The following MARF1 variants were observed in gnomAD, a reference collection of about 807,000 sequenced individuals.
MARF1 encodes the protein limkain-b1.
MARF1 carries 24 observed loss-of-function variants against 168.2 expected under a neutral mutation model. The ratio of observed to expected loss-of-function variants is 0.14; its 90% CI spans 0.10 to 0.20. The LOEUF (loss-of-function observed/expected upper bound fraction) is 0.20, where lower values mean the gene tolerates loss of function less well. MARF1 is among the 10% of genes least tolerant of loss of function. MARF1 has a pLI of 1.00. For missense variants in MARF1, 1,744 were observed against 2,143.6 expected (o/e 0.81, Z 3.68); for synonymous variants, 868 against 822.4 (o/e 1.06, Z -0.95).
At position 15,611,067 on chromosome 16, in the gene MARF1, C is replaced by A. The variant is rs917975658; in HGVS notation, c.3659G>T (p.Cys1220Phe). ...KDWDVTEYGV[C>F]ELIDIVSEIP... ...CTCTGATACGATGTCAATCAACTCA[C>A]AAACACCATATTCAGTGACATCCCA... The change falls in exon 19 of 27, where the codon TGT (cysteine) becomes TTT (phenylalanine). Residue 1220 changes from cysteine to phenylalanine, a missense_variant. By Grantham distance (205) the Cys-to-Phe change is radical. This residue lies in a region of MARF1 where 543 missense variants were observed against 742.1 expected (regional missense o/e 0.73). Coordinates refer to ENST00000396368, the MANE Select transcript of MARF1 (RefSeq NM_014647.4). 3.1e-6 allele frequency: 5 copies of A among 1,613,794 alleles called. No individual in the cohort carries two copies. The highest frequency in any genetic ancestry group is 1.3e-5 in the African/African-American group (1 of 74,924).
Position 15,623,047 on chromosome 16 carries a change from A to G in MARF1, c.2347T>C (p.Cys783Arg), listed in dbSNP as rs762384214. ...GCACCATTTGCAAATGGGTCTGGGC[A>G]GTCGGCTTCGCTGCTCGAATTTGCA... ...NIANSSSEAD[C>R]PDPFANGADV... Residue 783 changes from cysteine (C) to arginine (R), a missense_variant, in exon 11 of 27, where the codon TGC (cysteine) becomes CGC (arginine). Coordinates refer to ENST00000396368, the MANE Select transcript of MARF1 (RefSeq NM_014647.4). 4.3e-6 allele frequency: 7 copies of G among 1,610,958 alleles called. No homozygotes were observed. In the Admixed American group the frequency reaches 1.0e-4, roughly 23 times the overall value.
intron 7 of MARF1, among the ~76,000 whole-genome samples, chr16:15,628,813 C>G (rs1380439958): frequency 6.6e-6 from 1 of 152,026 alleles, no homozygotes; most frequent in Non-Finnish European, 1.5e-5. Context: ...ACCTGGGACT[C>G]AAAACCCAGG....
intron 10 of MARF1, among the ~76,000 whole-genome samples, chr16:15,623,605 T>A (rs983966078): frequency 6.6e-6 from 1 of 152,116 alleles, no homozygotes; most frequent in African/African-American, 2.4e-5. Context: ...AAATACACAT[T>A]GATTTCAGAC....
chr16:15,604,264 T>C lies in MARF1; in HGVS notation c.4317A>G (p.Arg1439=). 1 of 1,614,138 alleles carries C rather than the reference T, an allele frequency of 6.2e-7. No individual in the cohort carries two copies. Residue 1439 remains arginine, a synonymous_variant, in exon 22 of 27, where the codon AGA becomes AGG. Transcript: ENST00000396368. ...TTHLSVEELK[R]HYESTHNTPL... is the part of the protein sequence containing the mutation. ...GAGTGTTGTGGGTACTTTCGTAATG[T>C]CTCTTGAGCTCCTCAACAGAAAGAT...
At chr16:15,628,558 G>A (rs1244695924) in intron 7 of MARF1, among the ~76,000 whole-genome samples, 8 of 151,944 alleles carry the variant, frequency 5.3e-5, no homozygotes, top group African/African-American at 1.2e-4. Context: ...ACCAGTGCCC[G>A]CCACCACACC....
intron 16 of MARF1, among the ~76,000 whole-genome samples, chr16:15,615,552 G>C (rs1596467593): frequency 6.6e-6 from 1 of 152,130 alleles, no homozygotes; most frequent in South Asian, 2.1e-4. Flanking sequence ...TTGAACCCGG[G>C]AGGCAGAGGT....
chr16:15,596,749 T>G lies in MARF1; in HGVS notation c.5173A>C (p.Lys1725Gln). 6.2e-7 allele frequency: 1 copy of G among 1,611,614 alleles called. No individual in the cohort carries two copies. The highest frequency in any genetic ancestry group is 1.7e-5 in the Admixed American group (1 of 59,912). The stretch of plus-strand genomic sequence containing the variant: ...TTGGCTGCCAATTTGACTCTATTTT[T>G]GGGTTGCTTTTTGGCCGGGCTTTCC... ...PVESPAKKQP[K>Q]NRVKLAANFS... The change falls in exon 27 of 27, where the codon AAA becomes CAA. Residue 1725 changes from lysine (K) to glutamine (Q), a missense_variant. Lys to Gln is a moderately conservative substitution (Grantham distance 53). Transcript: ENST00000396368.
rs370255610 is a variant in MARF1 at position 15,625,253 on chromosome 16, T to C, written c.1954-80A>G. The C allele has an allele frequency of 4.0e-5, 62 of 1,566,070 alleles. No homozygotes were observed. The African/African-American group carries it at 4.2e-4, about 11-fold the overall frequency. On this transcript the variant is annotated intron_variant, in intron 8 of 26. Coordinates refer to ENST00000396368, the MANE Select transcript of MARF1 (RefSeq NM_014647.4). Reference sequence around the variant, plus strand: ...GATCCTTTACAGAAAACGATTGACTTTGAGTATCATCAAACACTGAAATCA... The same window carrying C: ...GATCCTTTACAGAAAACGATTGACTCTGAGTATCATCAAACACTGAAATCA...
rs1157354052 is a variant in MARF1 at position 15,596,382 on chromosome 16, T to G, written c.*311A>C. The G allele has an allele frequency of 2.9e-5, 6 of 203,408 alleles. No individual in the cohort carries two copies. The highest frequency in any genetic ancestry group is 1.1e-4 in the East Asian group (1 of 8,976). The allele number at this position is 203,408 out of a possible 1,614,324, so 12.6% of individuals were successfully genotyped here. A position where few individuals can be genotyped will look rare whatever the true frequency, so the allele number is the denominator to read the frequency against. On this transcript the variant is annotated 3_prime_UTR_variant, in exon 27 of 27. Coordinates refer to ENST00000396368, the MANE Select transcript of MARF1 (RefSeq NM_014647.4). ...CCTGCTAGTTGAGTTTTTAGTGCTTTCTTCTTTTGGAACACCATTGTATTT... is the reference window on the plus strand; with the variant it reads ...CCTGCTAGTTGAGTTTTTAGTGCTTGCTTCTTTTGGAACACCATTGTATTT...
At chr16:15,607,847 C>T (rs2033146161) in intron 21 of MARF1, among the ~76,000 whole-genome samples, 1 of 152,214 alleles carries the variant, frequency 6.6e-6, no homozygotes, top group Non-Finnish European at 1.5e-5. Flanking sequence ...GGCCACTCTG[C>T]ACCCTCGCTT....
chr16:15,621,387 C>T (rs113902818), intron 12 of MARF1: 3 of 253,680 alleles, frequency 1.2e-5, no homozygotes, highest in African/African-American at 4.5e-5. Context: ...CTAGTCTTTA[C>T]ACACAAATCT....
intron 1 of MARF1, among the ~76,000 whole-genome samples, chr16:15,642,118 G>A (rs992235942): frequency 1.3e-5 from 2 of 152,102 alleles, no homozygotes; most frequent in Non-Finnish European, 2.9e-5. Flanking sequence ...CCGTTGTTTG[G>A]ATTACATGAG....
At chr16:15,635,283 T>C (rs2035509020) in intron 3 of MARF1, 2 of 385,224 alleles carry the variant, frequency 5.2e-6, no homozygotes, top group African/African-American at 2.1e-5. Context: ...TCCCACATTA[T>C]TGCAAAAAGA....
chr16:15,629,085 A>G (rs1225040652), intron 7 of MARF1, among the ~76,000 whole-genome samples: 2 of 149,616 alleles, frequency 1.3e-5, no homozygotes, highest in African/African-American at 2.5e-5. Flanking sequence ...ACCAGGCTGG[A>G]GTGCAGTGGC....
At chr16:15,606,918 T>C (rs1421040748) in intron 21 of MARF1, among the ~76,000 whole-genome samples, 1 of 152,190 alleles carries the variant, frequency 6.6e-6, no homozygotes, top group Non-Finnish European at 1.5e-5. Context: ...ACCAGGATGC[T>C]GTCCAGATGA....
intron 22 of MARF1, chr16:15,602,775 C>T (rs1401444072): frequency 1.0e-5 from 4 of 380,960 alleles, no homozygotes; most frequent in Non-Finnish European, 1.0e-5. Flanking sequence ...GGGAAGAAAT[C>T]GGGGGAGGCA....
chr16:15,619,380 C>T (rs577681593), intron 13 of MARF1, among the ~76,000 whole-genome samples: 1 of 152,244 alleles, frequency 6.6e-6, no homozygotes, highest in Non-Finnish European at 1.5e-5. Flanking sequence ...CCAACAGTAT[C>T]TGCTCTGAAT....
chr16:15,623,849 C>T (rs1478309973), intron 10 of MARF1, among the ~76,000 whole-genome samples: 1 of 151,476 alleles, frequency 6.6e-6, no homozygotes, highest in African/African-American at 2.4e-5. Flanking sequence ...TCTTTCTGCA[C>T]ATAAGGAAAA....
intron 15 of MARF1, 97 bp from the exon 16 acceptor site, chr16:15,616,102 G>T: frequency 9.6e-7 from 1 of 1,037,450 alleles, no homozygotes; most frequent in Non-Finnish European, 1.3e-6. Context: ...TAATGTATGT[G>T]TTAATCATTT....
Sources: gnomAD v4.1 joint callset for allele counts (sites outside exome capture counted in the v4.1 genomes callset) on GRCh38, gnomAD v4.1.1 for gene constraint, gnomAD v4.1.1 regional missense constraint, MANE v1.5 for transcripts, NCBI Gene and HGNC (gene_info 2026-07-23, HGNC 2026-07-21) for gene names.